ADGRV1: variants seen among roughly 807,000 people sequenced by gnomAD.
ADGRV1 encodes the protein G-protein coupled receptor 98.
A neutral mutation model predicts 596.2 loss-of-function variants in ADGRV1; 359 were observed. That is an observed-to-expected ratio of 0.60 (90% CI 0.55 to 0.66). The LOEUF is 0.66. Among genes scored for constraint, ADGRV1 ranks in the 30% least tolerant of loss-of-function variants. ADGRV1 has a pLI of 0.00. For missense variants in ADGRV1, 7,274 were observed against 7,575.6 expected (o/e 0.96, Z 1.48); for synonymous variants, 2,681 against 2,679.2 (o/e 1.00, Z -0.02).
chr5:90,705,422 C>G lies in ADGRV1; in HGVS notation c.8409C>G (p.Ala2803=). 1 of 1,613,664 alleles carries G rather than the reference C, an allele frequency of 6.2e-7. No individual in the cohort carries two copies. Among genetic ancestry groups the G allele is most frequent in the Non-Finnish European group, 8.5e-7 (1 of 1,179,696 alleles). ...RTQGVPPAGI[A]LLDAQGYAAV... Reference sequence around the variant, plus strand: ...TAGGAGTTCCACCAGCCGGAATCGCCCTGCTTGATGCTCAAGGATATGCAG... The same window carrying G: ...TAGGAGTTCCACCAGCCGGAATCGCGCTGCTTGATGCTCAAGGATATGCAG... The change falls in exon 37 of 90, where the codon GCC becomes GCG. Residue 2803 remains alanine (A), a synonymous_variant. Coordinates refer to ENST00000405460, the MANE Select transcript of ADGRV1 (RefSeq NM_032119.4).
At chr5:90,940,179 C>T (rs138853215) in intron 83 of ADGRV1, among the ~76,000 whole-genome samples, 1 of 152,310 alleles carries the variant, frequency 6.6e-6, no homozygotes, top group East Asian at 1.9e-4. Context: ...AATCTACCTC[C>T]CCTCACTGAC....
chr5:90,979,609 T>A (rs11744249), intron 84 of ADGRV1, among the ~76,000 whole-genome samples: 17,071 of 152,176 alleles, frequency 0.11, 1,241 homozygotes, highest in Non-Finnish European at 0.17. Context: ...CTCAGTTTCC[T>A]TATAAGAGGG....
chr5:90,735,297 C>T (rs1753078792), intron 50 of ADGRV1, among the ~76,000 whole-genome samples: 1 of 152,152 alleles, frequency 6.6e-6, no homozygotes, highest in Non-Finnish European at 1.5e-5. Flanking sequence ...GTGTTCTTGG[C>T]ACCTTTGTCA....
rs149341618 is a variant in ADGRV1 at position 90,866,315 on chromosome 5, A to ATGTGTGTGTGTGTGTGTG, written c.17856+2470_17856+2487dup. On this transcript the variant is annotated intron_variant, in intron 83 of 89. Transcript: ENST00000405460. ...ACTATAATTTATTGTGTATGTGTAT[A>ATGTGTGTGTGTGTGTGTG]TGTGTGTGTGTGTGTGTGTGTGTGT... Among the ~76,000 whole-genome samples, 853 of 138,306 alleles carry ATGTGTGTGTGTGTGTGTG rather than the reference A, an allele frequency of 6.2e-3. 10 individuals carry two copies. The highest frequency in any genetic ancestry group is 0.018 in the African/African-American group (686 of 38,714). 90.7% of individuals were successfully genotyped at this position (138,306 alleles called of 152,430 possible).
chr5:90,959,941 C>A (rs574512561), intron 83 of ADGRV1, among the ~76,000 whole-genome samples: 14 of 152,086 alleles, frequency 9.2e-5, no homozygotes, highest in East Asian at 3.9e-4. Flanking sequence ...AGATCAAGAC[C>A]ATCCTGGCTA....
Position 90,855,754 on chromosome 5 carries a change from A to G in ADGRV1, c.17608A>G (p.Ser5870Gly), listed in dbSNP as rs1427840032. The G allele has an allele frequency of 6.3e-7, 1 of 1,582,554 alleles. No homozygotes were observed. Among genetic ancestry groups the G allele is most frequent in the Non-Finnish European group, 8.6e-7 (1 of 1,162,992 alleles). ...TTTTTGCCCTAGCTGGTTGTCTGAC[A>G]GTCAGTTTTGCAAAGTGGTTGAGGA... ...NQAAASWLSDSQFCKVVEETA... is the reference protein window; with the variant it reads ...NQAAASWLSDGQFCKVVEETA... Residue 5870 changes from serine (S) to glycine (G), a missense_variant, in exon 82 of 90, where the codon AGT becomes GGT. Ser to Gly is a moderately conservative substitution (Grantham distance 56, BLOSUM62 0). This residue lies in a region of ADGRV1 where 1,874 missense variants were observed against 1,970.2 expected (regional missense o/e 0.95). Coordinates refer to ENST00000405460, the MANE Select transcript of ADGRV1 (RefSeq NM_032119.4).
intron 11 of ADGRV1, among the ~76,000 whole-genome samples, chr5:90,642,139 G>T (rs2149425984): frequency 6.6e-6 from 1 of 152,196 alleles, no homozygotes; most frequent in African/African-American, 2.4e-5. Context: ...AGCGTGGCTT[G>T]CTTTAGTCCA....
chr5:91,141,478 A>G (rs1381059586), intron 87 of ADGRV1, among the ~76,000 whole-genome samples: 3 of 152,220 alleles, frequency 2.0e-5, no homozygotes, highest in Non-Finnish European at 4.4e-5. Context: ...TTTTCCATAT[A>G]TTTAATACAC....
At chr5:91,136,028 A>C (rs920459878) in intron 87 of ADGRV1, among the ~76,000 whole-genome samples, 7 of 152,164 alleles carry the variant, frequency 4.6e-5, no homozygotes, top group Non-Finnish European at 8.8e-5. Context: ...TGAGGAATTG[A>C]AAGTATGGCT....
At chr5:90,938,410 C>G (rs771263767) in intron 83 of ADGRV1, among the ~76,000 whole-genome samples, 4 of 152,152 alleles carry the variant, frequency 2.6e-5, no homozygotes, top group Non-Finnish European at 4.4e-5. Context: ...ATGCAATATA[C>G]TACCATAAAC....
chr5:90,635,319 G>T, intron 10 of ADGRV1, 29 bp downstream of exon 10: 1 of 1,570,132 alleles, frequency 6.4e-7, no homozygotes, highest in Non-Finnish European at 8.7e-7. Flanking sequence ...ACTGATGGGG[G>T]CTAATGAGTA....
intron 30 of ADGRV1, among the ~76,000 whole-genome samples, chr5:90,690,571 G>A (rs942632806): frequency 2.0e-5 from 3 of 152,172 alleles, no homozygotes; most frequent in African/African-American, 7.2e-5. Context: ...ATAGACTTGA[G>A]CCCTATGGGC....
At chr5:90,949,181 A>G (rs1776854085) in intron 83 of ADGRV1, among the ~76,000 whole-genome samples, 1 of 152,188 alleles carries the variant, frequency 6.6e-6, no homozygotes, top group African/African-American at 2.4e-5. Flanking sequence ...AGGCAAAATT[A>G]ATGATGATGA....
chr5:90,954,467 C>T (rs1029468946), intron 83 of ADGRV1, among the ~76,000 whole-genome samples: 3 of 152,136 alleles, frequency 2.0e-5, no homozygotes, highest in Middle Eastern at 3.4e-3. Context: ...TAAGTAAAAA[C>T]ATTTGAACAA....
chr5:90,704,519 G>T (rs908020799), intron 36 of ADGRV1, 31 bp downstream of exon 36: 3 of 1,353,450 alleles, frequency 2.2e-6, no homozygotes, highest in East Asian at 2.5e-5. Flanking sequence ...AATTTTTTTT[G>T]GTATATTCTT....
Position 90,702,954 on chromosome 5 carries a change from C to T in ADGRV1, c.8156-711C>T, listed in dbSNP as rs77762089. The stretch of plus-strand genomic sequence containing the variant: ...TCAACAAGTCATATGGCCATTAGCA[C>T]GCTCCCTAACAGCTTACTTTATGCT... On this transcript the variant is annotated intron_variant, in intron 34 of 89. Transcript: ENST00000405460. Among the ~76,000 whole-genome samples the T allele has an allele frequency of 4.1e-3, 621 of 152,042 alleles. 30 individuals carry two copies. The East Asian group carries it at 0.092, about 22-fold the overall frequency.
In ADGRV1 at chr5:90,745,659, C is replaced by T. The variant is rs970127915; in HGVS notation, c.10838C>T (p.Thr3613Ile). ...ATAGCAGTAAATATCCTTGATGATA[C>T]AGTTCCAGAAAAAGAAGAATCCTTC... is the stretch of plus-strand genomic sequence containing the variant. ...ATIAVNILDDTVPEKEESFKV... is the reference protein window; with the variant it reads ...ATIAVNILDDIVPEKEESFKV... Residue 3613 changes from threonine (T) to isoleucine (I), a missense_variant, in exon 52 of 90, where the codon ACA becomes ATA. By Grantham distance (89) the Thr-to-Ile change is moderately conservative. Around this residue, in one of 5 missense-constraint regions of ADGRV1, gnomAD observed 3,643 missense variants for 3,809.2 expected, o/e 0.96. Transcript: ENST00000405460. The T allele has an allele frequency of 1.9e-6, 3 of 1,612,334 alleles. No homozygotes were observed. In the Admixed American group the frequency reaches 5.0e-5, roughly 27 times the overall value.
rs181304828 is a variant in ADGRV1 at position 90,969,158 on chromosome 5, T to C, written c.17973+3627T>C. 2.0e-5 allele frequency among the ~76,000 whole-genome samples: 3 copies of C among 152,336 alleles called. No individual in the cohort carries two copies. In the East Asian group the frequency reaches 5.8e-4, roughly 29 times the overall value. ...TGATTTTCTTATTTGAAAACTCAAG[T>C]TGTAATAACAGTACCTCTCTTTACA... On this transcript the variant is annotated intron_variant, in intron 84 of 89. Coordinates refer to ENST00000405460, the MANE Select transcript of ADGRV1 (RefSeq NM_032119.4).
intron 26 of ADGRV1, among the ~76,000 whole-genome samples, chr5:90,680,930 A>ACTACTTATTATTTC (rs1356743046): frequency 4.6e-5 from 7 of 152,202 alleles, no homozygotes; most frequent in African/African-American, 1.7e-4. Context: ...AGAATGGGAA[A>ACTACTTATTATTTC]CTACTTATTA....
Sources: allele counts gnomAD v4.1 joint callset (sites outside exome capture counted in the v4.1 genomes callset), GRCh38; gene constraint gnomAD v4.1.1; regional missense constraint gnomAD v4.1.1; transcripts MANE v1.5; gene names NCBI Gene and HGNC (gene_info 2026-07-23, HGNC 2026-07-21).